The following PRAG1 variants were observed in gnomAD, a reference collection of about 807,000 sequenced individuals.
The protein encoded by PRAG1 is PEAK1 related, kinase-activating pseudokinase 1, also known as inactive tyrosine-protein kinase PRAG1.
In PRAG1, 110 loss-of-function variants were observed where a neutral mutation model predicts 95.6. The ratio of observed to expected loss-of-function variants is 1.15; its 90% CI spans 0.99 to 1.35. The LOEUF (loss-of-function observed/expected upper bound fraction) is 1.35. PRAG1 is among the 40% of genes most tolerant of loss of function. PRAG1 has a pLI of 0.00. For missense variants in PRAG1, 2,554 were observed against 1,864.7 expected (o/e 1.37, Z -6.81); for synonymous variants, 1,052 against 819.4 (o/e 1.28, Z -4.85).
intron 5 of PRAG1, among the ~76,000 whole-genome samples, 167 bp downstream of exon 5, chr8:8,327,543 C>G (rs1798670144): frequency 6.6e-6 from 1 of 152,126 alleles, no homozygotes; most frequent in African/African-American, 2.4e-5. Context: ...GCACTCCAGC[C>G]TGGGCAACAA....
intron 3 of PRAG1, among the ~76,000 whole-genome samples, chr8:8,346,383 G>A (rs1370478831): frequency 6.6e-6 from 1 of 152,126 alleles, no homozygotes; most frequent in African/African-American, 2.4e-5. Context: ...ACTTCCTTTC[G>A]GCCTCCCACT....
intron 5 of PRAG1, among the ~76,000 whole-genome samples, chr8:8,327,140 C>T (rs192556409): frequency 2.0e-5 from 3 of 152,300 alleles, no homozygotes; most frequent in East Asian, 1.9e-4. Context: ...TGAATAAACT[C>T]TCCGTTGCAC....
chr8:8,370,297 C>A (rs959756707), intron 3 of PRAG1, among the ~76,000 whole-genome samples: 1 of 152,224 alleles, frequency 6.6e-6, no homozygotes, highest in Non-Finnish European at 1.5e-5. Context: ...TGGCATGGCA[C>A]AGAATATAAA....
intron 1 of PRAG1, among the ~76,000 whole-genome samples, chr8:8,384,654 T>A (rs1406668466): frequency 6.6e-6 from 1 of 150,606 alleles, no homozygotes; most frequent in Non-Finnish European, 1.5e-5. Flanking sequence ...GTTGCACTTC[T>A]GTGCCTGGAA....
chr8:8,376,596 C>T lies in PRAG1; in HGVS notation c.1813G>A (p.Ala605Thr), dbSNP rs369067268. 7.7e-5 allele frequency: 123 copies of T among 1,604,076 alleles called. No homozygotes were observed. In the East Asian group the frequency reaches 1.4e-3, roughly 18 times the overall value. ...GGACACCTGGATGGGTCACTGATAG[C>T]GACACCGTTGGTCCGGCAGGAAGGA... ...PAPSCRTNGV[A>T]ISDPSRCPQP... The change falls in exon 3 of 6, where the codon GCT (alanine) becomes ACT (threonine). Residue 605 changes from alanine (A) to threonine (T), a missense_variant. Coordinates refer to ENST00000615670, the MANE Select transcript of PRAG1 (RefSeq NM_001080826.3).
intron 2 of PRAG1, 124 bp from the exon 3 acceptor site, chr8:8,378,202 C>T (rs1402971778): frequency 2.4e-5 from 28 of 1,158,532 alleles, no homozygotes; most frequent in Admixed American, 9.1e-5. Flanking sequence ...AGTGCAGGGG[C>T]GCTGGGGCCG....
intron 3 of PRAG1, among the ~76,000 whole-genome samples, chr8:8,366,495 G>C (rs999114197): frequency 6.6e-6 from 1 of 151,588 alleles, no homozygotes; most frequent in Non-Finnish European, 1.5e-5. Context: ...TTTACTTTTA[G>C]TAGAGACAGG....
At chr8:8,320,087 C>T (rs548618547) in intron 5 of PRAG1, among the ~76,000 whole-genome samples, 5 of 152,318 alleles carry the variant, frequency 3.3e-5, no homozygotes, top group South Asian at 2.1e-4. Context: ...GGGTCCCTGC[C>T]GAGCAACACA....
At chr8:8,349,333 T>C (rs760929966) in intron 3 of PRAG1, among the ~76,000 whole-genome samples, 18 of 152,094 alleles carry the variant, frequency 1.2e-4, no homozygotes, top group African/African-American at 3.4e-4. Context: ...CAGGCTGGAG[T>C]GCAGTGGCAT....
At chr8:8,345,046 G>GGGGTGTGTGTGTGTGT (rs1346555417) in intron 3 of PRAG1, among the ~76,000 whole-genome samples, 1 of 133,992 alleles carries the variant, frequency 7.5e-6, no homozygotes, top group Non-Finnish European at 1.6e-5. Flanking sequence ...TTATCCGCAG[G>GGGGTGTGTGTGTGTGT]GTGTGTGTGT....
At chr8:8,332,177 TTTTG>T (rs1189000811) in intron 4 of PRAG1, among the ~76,000 whole-genome samples, 1 of 142,924 alleles carries the variant, frequency 7.0e-6, no homozygotes, top group African/African-American at 2.7e-5. Context: ...TTTTTTTTTT[TTTTG>T]ATGAAGTTTT....
Position 8,319,231 on chromosome 8 carries a change from C to A in PRAG1, c.3144G>T (p.Gln1048His), listed in dbSNP as rs199656487. The change falls in exon 6 of 6, where the codon CAG becomes CAT. Residue 1048 changes from glutamine to histidine, a missense_variant. Gln to His is a conservative substitution (Grantham distance 24, BLOSUM62 0). Coordinates refer to ENST00000615670, the MANE Select transcript of PRAG1 (RefSeq NM_001080826.3). ...SPSVPVHFNI[Q>H]QDCGHFVASV... is the part of the protein sequence containing the mutation. Reference sequence around the variant, plus strand: ...AGGCGACGAAGTGGCCGCAGTCCTGCTGGATGTTAAAGTGCACGGGCACGG... The same window carrying A: ...AGGCGACGAAGTGGCCGCAGTCCTGATGGATGTTAAAGTGCACGGGCACGG... 1.3e-6 allele frequency: 2 copies of A among 1,568,684 alleles called. No homozygotes were observed. Among genetic ancestry groups the A allele is most frequent in the Non-Finnish European group, 8.7e-7 (1 of 1,152,494 alleles).
chr8:8,353,859 T>C (rs940234675), intron 3 of PRAG1, among the ~76,000 whole-genome samples: 1 of 151,244 alleles, frequency 6.6e-6, no homozygotes, highest in South Asian at 2.1e-4. Flanking sequence ...GAAGTAGTAG[T>C]AGTAGTAGTG....
chr8:8,343,698 A>C (rs1417784702), intron 3 of PRAG1, among the ~76,000 whole-genome samples: 1 of 152,212 alleles, frequency 6.6e-6, no homozygotes, highest in Non-Finnish European at 1.5e-5. Context: ...AGGCTCGTGG[A>C]CCATAAGGGT....
intron 3 of PRAG1, chr8:8,374,579 G>C (rs1317203534): frequency 1.2e-6 from 1 of 853,536 alleles, no homozygotes; most frequent in African/African-American, 1.8e-5. Context: ...AGGATGAAAT[G>C]AGTTGTTATG....
chr8:8,378,959 C>T (rs1157938956), intron 2 of PRAG1, among the ~76,000 whole-genome samples: 1 of 151,692 alleles, frequency 6.6e-6, no homozygotes, highest in Non-Finnish European at 1.5e-5. Flanking sequence ...GGTTTCTGAA[C>T]CGGATCAGGG....
chr8:8,353,290 T>G (rs527987800), intron 3 of PRAG1, among the ~76,000 whole-genome samples: 15 of 152,246 alleles, frequency 9.9e-5, no homozygotes, highest in African/African-American at 3.6e-4. Context: ...TTTTCCAGGA[T>G]AGACCACATG....
In PRAG1 at chr8:8,377,097, C is replaced by G. The variant is rs780428382; in HGVS notation, c.1312G>C (p.Ala438Pro). 16 of 1,613,560 alleles carry G rather than the reference C, an allele frequency of 9.9e-6. No individual in the cohort carries two copies. In the Middle Eastern group the frequency reaches 6.6e-4, roughly 66 times the overall value. ...CATACCTGGCCTTGGCCCTGGGCAG[C>G]AGCTGCATGTTCTATCTTGGCCTGT... The part of the protein sequence containing the change: ...KSQAKIEHAA[A>P]AQGQGQVCTG... Residue 438 changes from alanine (A) to proline (P), a missense_variant, in exon 3 of 6, where the codon GCT (alanine) becomes CCT (proline). Ala to Pro is a conservative substitution (Grantham distance 27). Transcript: ENST00000615670.
intron 2 of PRAG1, among the ~76,000 whole-genome samples, chr8:8,380,239 C>T (rs534794706): frequency 1.3e-5 from 2 of 152,102 alleles, no homozygotes; most frequent in African/African-American, 4.8e-5. Context: ...CGCAACACTG[C>T]ACTCCAGCCT....
Sources: allele counts gnomAD v4.1 joint callset (sites outside exome capture counted in the v4.1 genomes callset), GRCh38; gene constraint gnomAD v4.1.1; transcripts MANE v1.5; gene names NCBI Gene and HGNC (gene_info 2026-07-23, HGNC 2026-07-21).